The following WDR33 variants were observed in gnomAD, a reference collection of about 807,000 sequenced individuals.
WDR33 encodes the protein WD repeat domain 33.
WDR33 carries 47 observed loss-of-function variants against 164.9 expected under a neutral mutation model. The observed-to-expected ratio is 0.29, with a 90% CI of 0.23 to 0.36. The LOEUF is 0.36. WDR33 is among the 10% of genes least tolerant of loss of function. The pLI is 1.00. For missense variants in WDR33, 1,137 were observed against 1,754.1 expected (o/e 0.65, Z 6.28); for synonymous variants, 505 against 589.0 (o/e 0.86, Z 2.06).
At chr2:127,772,120 AGC>A in intron 1 of WDR33, among the ~76,000 whole-genome samples, 1 of 151,582 alleles carries the variant, frequency 6.6e-6, no homozygotes, top group Non-Finnish European at 1.5e-5. Context: ...TGAGCCACCA[AGC>A]CTGGCCTTAC....
rs537561446 is a variant in WDR33, at chr2:127,701,374, A to G, written c.*4949T>C. The G allele has an allele frequency of 2.2e-5, 15 of 686,520 alleles. No individual in the cohort carries two copies. The highest frequency in any genetic ancestry group is 5.6e-5 in the African/African-American group (3 of 53,508). The allele number at this position is 686,520 out of a possible 1,614,324, so 42.5% of individuals were successfully genotyped here. On this transcript the variant is annotated 3_prime_UTR_variant, in exon 22 of 22. Coordinates refer to ENST00000322313, the MANE Select transcript of WDR33 (RefSeq NM_018383.5). ...ACCACGGTACTTGGGGACACCACAA[A>G]AGTCCGCAGAGCAGGCACCGCGGCA...
rs753706232 is a variant in WDR33 at position 127,701,792 on chromosome 2, A to G, written c.*4531T>C. 1.4e-4 allele frequency: 203 copies of G among 1,451,426 alleles called. No individual in the cohort carries two copies. In the African/African-American group the frequency reaches 2.5e-3, roughly 18 times the overall value. 89.9% of individuals were successfully genotyped at this position (1,451,426 alleles called of 1,614,324 possible). On this transcript the variant is annotated 3_prime_UTR_variant, in exon 22 of 22. Transcript: ENST00000322313. ...GCGGCGGGTGCCTGCTGCTGGCTGC[A>G]CTGTGTTTCGGCCTAGCCGCGCTCT...
Position 127,706,354 on chromosome 2 carries a change from C to T in WDR33, c.3980G>A (p.Gly1327Glu). 6.3e-7 allele frequency: 1 copy of T among 1,594,428 alleles called. No individual in the cohort carries two copies. Among genetic ancestry groups the T allele is most frequent in the Non-Finnish European group, 8.5e-7 (1 of 1,169,816 alleles). ...ACCCCTTCCACCACCCCGTGAAGCTCCTCGCCTCGGCGGGCCAGAGTTCAT... is the reference window on the plus strand; with the variant it reads ...ACCCCTTCCACCACCCCGTGAAGCTTCTCGCCTCGGCGGGCCAGAGTTCAT... The part of the protein sequence containing the change: ...SNMNSGPPRR[G>E]ASRGGGRGR Residue 1327 changes from glycine (G) to glutamate (E), a missense_variant, in exon 22 of 22, where the codon GGA (glycine) becomes GAA (glutamate). By Grantham distance (98) the Gly-to-Glu change is moderately conservative. Coordinates refer to ENST00000322313, the MANE Select transcript of WDR33 (RefSeq NM_018383.5). This position sits in a 1 kb window ranked among gnomAD's most constrained non-coding sequence, Gnocchi z 5.1.
chr2:127,742,467 C>T (rs1185382511), intron 7 of WDR33, among the ~76,000 whole-genome samples: 1 of 144,034 alleles, frequency 6.9e-6, no homozygotes, highest in African/African-American at 2.6e-5. Context: ...GTCATGCCTA[C>T]AGTGAGCCAT....
chr2:127,734,805 G>T (rs1686798699), intron 7 of WDR33, among the ~76,000 whole-genome samples: 1 of 152,046 alleles, frequency 6.6e-6, no homozygotes, highest in South Asian at 2.1e-4. Flanking sequence ...AAAAAAACAT[G>T]AATGCACTTT....
chr2:127,762,827 G>A lies in WDR33; in HGVS notation c.724+235C>T, dbSNP rs1344900848. ...CATACAGATAAGCAAGTAAGGGGGA[G>A]GCACTCTTGTATTTAATTTACAGCT... On this transcript the variant is annotated intron_variant, in intron 7 of 21. Coordinates refer to ENST00000322313, the MANE Select transcript of WDR33 (RefSeq NM_018383.5). 5.3e-6 allele frequency: 7 copies of A among 1,324,056 alleles called. No individual in the cohort carries two copies. The East Asian group carries it at 1.9e-4, about 36-fold the overall frequency. 82.0% of individuals were successfully genotyped at this position (1,324,056 alleles called of 1,614,324 possible).
chr2:127,793,020 G>A (rs1456408997), intron 1 of WDR33, among the ~76,000 whole-genome samples: 1 of 152,190 alleles, frequency 6.6e-6, no homozygotes, highest in African/African-American at 2.4e-5. Context: ...TAGCATAAAA[G>A]TGAGGAGAAA....
chr2:127,764,730 A>G lies in WDR33; in HGVS notation c.626+98T>C, dbSNP rs200736326. The G allele has an allele frequency of 1.9e-4, 303 of 1,614,156 alleles. 1 individual carries two copies. In the African/African-American group the frequency reaches 3.9e-3, roughly 21 times the overall value. On this transcript the variant is annotated intron_variant, in intron 6 of 21. Coordinates refer to ENST00000322313, the MANE Select transcript of WDR33 (RefSeq NM_018383.5). This position sits in a 1 kb window ranked among gnomAD's most constrained non-coding sequence, Gnocchi z 6.2. ...ATAGGGTGCAGAAAGTTTCCCAGAAACTGACAGAGCCCATGCATCTCTGCA... is the reference window on the plus strand; with the variant it reads ...ATAGGGTGCAGAAAGTTTCCCAGAAGCTGACAGAGCCCATGCATCTCTGCA...
At chr2:127,707,203 A>T (rs1686038439) in intron 21 of WDR33, among the ~76,000 whole-genome samples, 1 of 149,868 alleles carries the variant, frequency 6.7e-6, no homozygotes, top group African/African-American at 2.5e-5. Context: ...AAATTCTTTC[A>T]TTCTGTTGCA....
At position 127,719,539 on chromosome 2, in the gene WDR33, C is replaced by T. The variant is rs998788493; in HGVS notation, c.2486G>A (p.Gly829Asp). The T allele has an allele frequency of 2.7e-5, 44 of 1,613,718 alleles. No individual in the cohort carries two copies. The highest frequency in any genetic ancestry group is 3.4e-5 in the Non-Finnish European group (40 of 1,179,948). ...LLGHGPQEMRGPQEIRGMQGP... is the reference protein window; with the variant it reads ...LLGHGPQEMRDPQEIRGMQGP... ...CTGCATGCCTCGGATCTCCTGAGGA[C>T]CTCTCATTTCCTGAGGGCCGTGTCC... is the stretch of plus-strand genomic sequence containing the variant. Residue 829 changes from glycine to aspartate, a missense_variant, in exon 16 of 22, where the codon GGT (glycine) becomes GAT (aspartate). This residue lies in a region of WDR33 where 867 missense variants were observed against 1,073.0 expected (regional missense o/e 0.81). Transcript: ENST00000322313. The surrounding 1 kb of genome is among the most constrained non-coding windows in gnomAD (Gnocchi z 6.5).
Position 127,713,967 on chromosome 2 carries a change from T to C in WDR33, c.2924A>G (p.His975Arg). The change falls in exon 18 of 22, where the codon CAT (histidine) becomes CGT (arginine). Residue 975 changes from histidine (H) to arginine (R), a missense_variant. By Grantham distance (29) the His-to-Arg change is conservative (BLOSUM62 0). Coordinates refer to ENST00000322313, the MANE Select transcript of WDR33 (RefSeq NM_018383.5). This position sits in a 1 kb window ranked among gnomAD's most constrained non-coding sequence, Gnocchi z 6.2. Reference sequence around the variant, plus strand: ...ATGCTCAGGCCCGCCGCTCTGCTCATGCCGCCTCTCTGACATCGGGCCCAT... The same window carrying C: ...ATGCTCAGGCCCGCCGCTCTGCTCACGCCGCCTCTCTGACATCGGGCCCAT... ...HHMGPMSERR[H>R]EQSGGPEHGP... 1 of 1,564,768 alleles carries C rather than the reference T, an allele frequency of 6.4e-7. No homozygotes were observed. The highest frequency in any genetic ancestry group is 8.6e-7 in the Non-Finnish European group (1 of 1,157,154).
In WDR33 at chr2:127,770,144, A is replaced by T. The variant is rs1336813115; in HGVS notation, c.204+634T>A. On this transcript the variant is annotated intron_variant, in intron 2 of 21. Coordinates refer to ENST00000322313, the MANE Select transcript of WDR33 (RefSeq NM_018383.5). This position sits in a 1 kb window ranked among gnomAD's most constrained non-coding sequence, Gnocchi z 4.9. The stretch of plus-strand genomic sequence containing the variant: ...ATTTCATATACACTGCAGGTTTAAC[A>T]AGTGTTTTAAGACTGGCCTAGCGAT... Among the ~76,000 whole-genome samples the T allele has an allele frequency of 6.6e-6, 1 of 150,692 alleles. No homozygotes were observed. Among genetic ancestry groups the T allele is most frequent in the Non-Finnish European group, 1.5e-5 (1 of 68,026 alleles).
chr2:127,723,175 G>T lies in WDR33; in HGVS notation c.1291+78C>A. On this transcript the variant is annotated intron_variant, in intron 12 of 21. Coordinates refer to ENST00000322313, the MANE Select transcript of WDR33 (RefSeq NM_018383.5). The surrounding 1 kb of genome is among the most constrained non-coding windows in gnomAD (Gnocchi z 5.9). ...CTACTATAAAATTAAAATTCATTTT[G>T]TATAATCTTCCCAACATCTAACACT... The T allele has an allele frequency of 6.8e-7, 1 of 1,462,314 alleles. No individual in the cohort carries two copies. 90.6% of individuals were successfully genotyped at this position (1,462,314 alleles called of 1,614,324 possible). A position where few individuals can be genotyped will look rare whatever the true frequency, so the allele number is the denominator to read the frequency against.
rs1233174602 is a variant in WDR33, at chr2:127,763,077, C to A, written c.709G>T (p.Glu237Ter). The stretch of plus-strand genomic sequence containing the variant: ...GTACACGTACCTCGGAGAATTCTTT[C>A]CTCATGGCAACGAAGAAAGTCCCAG... Reference protein sequence around the residue: ...RIWDFLRCHEERILRGHGADV... With the variant: ...RIWDFLRCHE Residue 237 changes from glutamate to a stop codon, truncating the protein, a stop_gained, in exon 7 of 22, where the codon GAA becomes TAA. Coordinates refer to ENST00000322313, the MANE Select transcript of WDR33 (RefSeq NM_018383.5). LOFTEE classifies it high-confidence loss of function. The surrounding 1 kb of genome is among the most constrained non-coding windows in gnomAD (Gnocchi z 4.5). 6.2e-7 allele frequency: 1 copy of A among 1,613,914 alleles called. No homozygotes were observed. Among genetic ancestry groups the A allele is most frequent in the Non-Finnish European group, 8.5e-7 (1 of 1,179,932 alleles).
chr2:127,749,021 A>G (rs1687242408), intron 7 of WDR33, among the ~76,000 whole-genome samples: 1 of 152,166 alleles, frequency 6.6e-6, no homozygotes, highest in African/African-American at 2.4e-5. Context: ...TTCTATAAGT[A>G]TTAATCATAT....
At chr2:127,810,106 C>A (rs1689595031) in intron 1 of WDR33, among the ~76,000 whole-genome samples, 1 of 151,990 alleles carries the variant, frequency 6.6e-6, no homozygotes, top group Non-Finnish European at 1.5e-5. Context: ...CATTAGCTCT[C>A]CAGAGTGTAC....
intron 1 of WDR33, among the ~76,000 whole-genome samples, chr2:127,809,341 A>C (rs951775788): frequency 6.6e-6 from 1 of 152,090 alleles, no homozygotes; most frequent in Non-Finnish European, 1.5e-5. Flanking sequence ...TTCACCAACC[A>C]AAGAAAATTA....
intron 1 of WDR33, among the ~76,000 whole-genome samples, chr2:127,790,874 T>C (rs57992231): frequency 0.017 from 2,516 of 152,264 alleles, 20 homozygotes; most frequent in East Asian, 0.029. Context: ...TCAATTTCTC[T>C]TAAGTCATCA....
chr2:127,709,788 C>G lies in WDR33; in HGVS notation c.3377G>C (p.Gly1126Ala). 9 of 1,614,220 alleles carry G rather than the reference C, an allele frequency of 5.6e-6. No individual in the cohort carries two copies. The highest frequency in any genetic ancestry group is 6.8e-6 in the Non-Finnish European group (8 of 1,180,036). Residue 1126 changes from glycine to alanine, a missense_variant, in exon 19 of 22, where the codon GGT becomes GCT. Physicochemically the swap from Gly to Ala is moderately conservative, Grantham distance 60. Coordinates refer to ENST00000322313, the MANE Select transcript of WDR33 (RefSeq NM_018383.5). This position sits in a 1 kb window ranked among gnomAD's most constrained non-coding sequence, Gnocchi z 5.0. ...CTCCTCTGGACCAAAGTCTTCAGGA[C>G]CAGGAAAACCATCCCTTCCTCTGGG... ...APPRGRDGFP[G>A]PEDFGPEENF...
Sources: allele counts gnomAD v4.1 joint callset (sites outside exome capture counted in the v4.1 genomes callset), GRCh38; gene constraint gnomAD v4.1.1; regional missense constraint gnomAD v4.1.1; non-coding constraint Gnocchi (gnomAD v3.1); transcripts MANE v1.5; gene names NCBI Gene and HGNC (gene_info 2026-07-23, HGNC 2026-07-21).